The following ACTA2 variants were observed in gnomAD, a reference collection of about 807,000 sequenced individuals.
ACTA2 encodes actin alpha 2, smooth muscle.
ACTA2 carries 12 observed loss-of-function variants against 39.5 expected under a neutral mutation model. The observed-to-expected ratio is 0.30, with a 90% confidence interval of 0.19 to 0.49. ACTA2 has a LOEUF of 0.49. Among genes scored for constraint, ACTA2 ranks in the 20% least tolerant of loss-of-function variants. The pLI, the probability that ACTA2 is intolerant of heterozygous loss-of-function variation, is 0.99. For missense variants in ACTA2, 236 were observed against 498.8 expected (o/e 0.47, Z 5.02); for synonymous variants, 158 against 180.6 (o/e 0.88, Z 1.00).
intron 1 of ACTA2, among the ~76,000 whole-genome samples, chr10:88,951,655 A>C (rs377226649): frequency 1.4e-4 from 21 of 152,156 alleles, no homozygotes; most frequent in East Asian, 7.7e-4. Context: ...TTTGGAGCAA[A>C]GCATTTCCTA....
chr10:88,969,647 A>G (rs1210349669), intron 1 of ACTA2, among the ~76,000 whole-genome samples: 1 of 152,198 alleles, frequency 6.6e-6, no homozygotes, highest in Non-Finnish European at 1.5e-5. Context: ...TTCTCAAGGA[A>G]AGAAACCTCC....
intron 1 of ACTA2, among the ~76,000 whole-genome samples, chr10:88,968,862 C>G (rs190330272): frequency 7.7e-4 from 117 of 152,260 alleles, no homozygotes; most frequent in Admixed American, 1.5e-3. Context: ...TTAAAGCCTT[C>G]TTCTTGGAAA....
intron 1 of ACTA2, among the ~76,000 whole-genome samples, chr10:88,988,421 T>G (rs989295187): frequency 1.1e-3 from 8 of 7,288 alleles, no homozygotes; most frequent in African/African-American, 3.4e-3. Context: ...TAGAAGTTTT[T>G]TTTTTTTTTT....
Position 88,935,373 on chromosome 10 carries a change from G to A in ACTA2, c.991-7C>T, listed in dbSNP as rs765100909. 1.2e-6 allele frequency: 2 copies of A among 1,613,482 alleles called. No individual in the cohort carries two copies. Among genetic ancestry groups the A allele is most frequent in the African/African-American group, 2.7e-5 (2 of 74,896 alleles). On this transcript the variant is annotated splice_polypyrimidine_tract_variant and splice_region_variant and intron_variant, in intron 8 of 8. Transcript: ENST00000224784. ...GCTCCGGAGGGGCAATGATCTGTCA[G>A]TCAAGATGAAAAAGAATGGTCATTA...
intron 3 of ACTA2, among the ~76,000 whole-genome samples, chr10:88,945,741 C>T (rs1226700592): frequency 6.6e-6 from 1 of 152,086 alleles, no homozygotes; most frequent in Non-Finnish European, 1.5e-5. Context: ...AGAAATGTAC[C>T]AAACCTGCAA....
chr10:88,940,077 GTAT>G (rs1845820456), intron 6 of ACTA2: 1 of 288,370 alleles, frequency 3.5e-6, no homozygotes, highest in Admixed American at 4.8e-5. Flanking sequence ...TTGTTATATT[GTAT>G]TTTCAGTTAA....
chr10:88,974,667 A>C (rs111321185), intron 1 of ACTA2: 2 of 152,346 alleles, frequency 1.3e-5, no homozygotes, highest in African/African-American at 4.8e-5. Context: ...ATGGTTATTA[A>C]GTAATACAAA....
intron 1 of ACTA2, among the ~76,000 whole-genome samples, chr10:88,958,382 C>T (rs1318380614): frequency 2.6e-5 from 4 of 152,154 alleles, no homozygotes; most frequent in African/African-American, 9.7e-5. Flanking sequence ...TACATAAACT[C>T]ATTTAATCCT....
At chr10:88,944,006 A>G (rs1564645888) in intron 3 of ACTA2, 99 bp from the exon 4 acceptor site, 2 of 1,009,920 alleles carry the variant, frequency 2.0e-6, no homozygotes, top group Non-Finnish European at 3.1e-6. Flanking sequence ...ACCAAGACCA[A>G]AGGAAATGCT....
At chr10:88,956,037 T>C (rs116494968), upstream of ACTA2, among the ~76,000 whole-genome samples, 42 of 152,348 alleles carry the variant, frequency 2.8e-4, no homozygotes, top group African/African-American at 1.0e-3. Context: ...AATTATTAGC[T>C]ATTATTATTG....
At chr10:88,989,201 G>T (rs1847020411) in intron 1 of ACTA2, among the ~76,000 whole-genome samples, 1 of 152,156 alleles carries the variant, frequency 6.6e-6, no homozygotes, top group South Asian at 2.1e-4. Context: ...ACATATGTGA[G>T]TTGCTGGCTT....
At chr10:88,947,970 T>C (rs1179123017) in intron 2 of ACTA2, among the ~76,000 whole-genome samples, 5 of 152,158 alleles carry the variant, frequency 3.3e-5, no homozygotes, top group African/African-American at 9.7e-5. Flanking sequence ...GTCAGCTGCA[T>C]TTAAAAAAAA....
chr10:88,938,484 T>C (rs1845788057), intron 7 of ACTA2: 1 of 515,858 alleles, frequency 1.9e-6, no homozygotes, highest in African/African-American at 1.9e-5. Context: ...CAGGTATCAC[T>C]GATTTTTTAA....
Position 88,948,823 on chromosome 10 carries a change from A to T in ACTA2, c.108T>A (p.Ile36=), listed in dbSNP as rs138562012. 5.6e-6 allele frequency: 9 copies of T among 1,613,806 alleles called. No homozygotes were observed. In the African/African-American group the frequency reaches 1.2e-4, roughly 22 times the overall value. Residue 36 remains isoleucine, a synonymous_variant, in exon 2 of 9, where the codon ATT becomes ATA. Transcript: ENST00000224784. ...DDAPRAVFPS[I]VGRPRHQGVM... is the part of the protein sequence containing the mutation. ...TCACCTGATGTCTGGGACGTCCCAC[A>T]ATGGATGGGAAAACAGCCCTGGGAG... is the stretch of plus-strand genomic sequence containing the variant.
intron 1 of ACTA2, among the ~76,000 whole-genome samples, chr10:88,980,051 G>A (rs531199173): frequency 1.3e-5 from 2 of 152,208 alleles, no homozygotes; most frequent in African/African-American, 2.4e-5. Flanking sequence ...GAAAGATAAA[G>A]TGGACTTCTT....
chr10:88,965,585 G>A (rs1220142043), intron 1 of ACTA2, among the ~76,000 whole-genome samples: 2 of 151,888 alleles, frequency 1.3e-5, no homozygotes, highest in Non-Finnish European at 2.9e-5. Context: ...CCAACATATC[G>A]ACCACCAAAA....
intron 1 of ACTA2, among the ~76,000 whole-genome samples, chr10:88,975,853 T>G (rs1406360032): frequency 1.3e-5 from 2 of 152,186 alleles, no homozygotes; most frequent in Non-Finnish European, 2.9e-5. Flanking sequence ...GAGTTTTTAG[T>G]GCACTATCAG....
At chr10:88,980,376 C>T (rs114736422) in intron 1 of ACTA2, among the ~76,000 whole-genome samples, 1,578 of 152,252 alleles carry the variant, frequency 0.01, 19 homozygotes, top group African/African-American at 0.036. Flanking sequence ...CTGAACATAA[C>T]CACAGTGGAG....
intron 1 of ACTA2, among the ~76,000 whole-genome samples, chr10:88,972,122 T>G (rs1386457826): frequency 6.6e-6 from 1 of 152,104 alleles, no homozygotes; most frequent in African/African-American, 2.4e-5. Context: ...TTGGCCAGGA[T>G]GGTCTCAATC....
Sources: allele counts gnomAD v4.1 joint callset (sites outside exome capture counted in the v4.1 genomes callset), GRCh38; gene constraint gnomAD v4.1.1; transcripts MANE v1.5; gene names NCBI Gene and HGNC (gene_info 2026-07-23, HGNC 2026-07-21).